The following BRI3BP variants were observed in gnomAD, a reference collection of about 807,000 sequenced individuals.
BRI3BP encodes the protein BRI3 binding protein, also known as BRI3-binding protein.
Under a neutral mutation model 15.8 loss-of-function variants are expected in BRI3BP, and 7 were observed. The observed-to-expected ratio is 0.44, with a 90% CI of 0.25 to 0.83. BRI3BP has a LOEUF of 0.83. Among genes scored for constraint, BRI3BP ranks in the 40% least tolerant of loss-of-function variants. BRI3BP has a pLI of 0.20. For missense variants in BRI3BP, 320 were observed against 339.3 expected, an observed-to-expected ratio of 0.94 and a Z score of 0.45; for synonymous variants, 192 against 163.5, an observed-to-expected ratio of 1.17 and a Z score of -1.33.
chr12:125,009,393 A>G (rs1357638296), intron 1 of BRI3BP, among the ~76,000 whole-genome samples: 11 of 143,044 alleles, frequency 7.7e-5, no homozygotes, highest in Admixed American at 6.6e-4. Context: ...AGGTTCAAGC[A>G]ATTCTCCTGC....
chr12:125,014,802 T>G (rs1955228865), intron 2 of BRI3BP, among the ~76,000 whole-genome samples: 4 of 149,760 alleles, frequency 2.7e-5, no homozygotes, highest in Admixed American at 2.6e-4. Context: ...AGGATCTCAC[T>G]CTGTTGCCCA....
chr12:125,004,449 C>T (rs1411362900), intron 1 of BRI3BP, among the ~76,000 whole-genome samples: 3 of 152,108 alleles, frequency 2.0e-5, no homozygotes, highest in East Asian at 1.9e-4. Flanking sequence ...GGATTACAGG[C>T]GTTAGCCACC....
At chr12:125,032,604 C>T (rs116626723), downstream of BRI3BP, among the ~76,000 whole-genome samples, 183 of 152,232 alleles carry the variant, frequency 1.2e-3, no homozygotes, top group African/African-American at 4.1e-3. Context: ...CTTGCCTCTA[C>T]GAAAAGTAAA....
intron 2 of BRI3BP, among the ~76,000 whole-genome samples, chr12:125,016,127 A>G (rs1427288181): frequency 1.3e-5 from 2 of 152,202 alleles, no homozygotes; most frequent in African/African-American, 4.8e-5. Flanking sequence ...TGCATTCATC[A>G]GGGGAGCAGC....
chr12:125,034,797 C>T (rs1955431511), downstream of BRI3BP, among the ~76,000 whole-genome samples: 1 of 152,070 alleles, frequency 6.6e-6, no homozygotes, highest in Non-Finnish European at 1.5e-5. Context: ...ACCATATTGG[C>T]CAGACTAGTC....
At chr12:125,048,625 C>T in the BRI3BP span, among the ~76,000 whole-genome samples, 2 of 151,688 alleles carry the variant, frequency 1.3e-5, no homozygotes, top group Admixed American at 1.3e-4. Flanking sequence ...GGGTGCAGCA[C>T]ACCAGCATGG....
chr12:125,009,617 G>C (rs1487778904), intron 1 of BRI3BP, among the ~76,000 whole-genome samples: 2 of 1,904 alleles, frequency 1.1e-3, no homozygotes, highest in Admixed American at 0.021. Flanking sequence ...GTAAATTAGA[G>C]ATGGGGGGGG....
intron 2 of BRI3BP, among the ~76,000 whole-genome samples, chr12:125,020,666 C>A (rs577466916): frequency 3.3e-4 from 51 of 152,296 alleles, no homozygotes; most frequent in African/African-American, 1.2e-3. Context: ...AGATGGATTG[C>A]TTAAGCCCAG....
At chr12:125,020,816 G>A (rs897737157) in intron 2 of BRI3BP, among the ~76,000 whole-genome samples, 38 of 152,132 alleles carry the variant, frequency 2.5e-4, no homozygotes, top group African/African-American at 8.9e-4. Flanking sequence ...GGAGGTAGAG[G>A]TTGCAATGAG....
chr12:124,997,317 G>A (rs1955050479), intron 1 of BRI3BP, among the ~76,000 whole-genome samples: 1 of 137,554 alleles, frequency 7.3e-6, no homozygotes, highest in South Asian at 2.5e-4. Context: ...CCGGATTCAC[G>A]AAATTCTCCT....
chr12:125,024,942 A>C, intron 2 of BRI3BP, 49 bp from the exon 3 acceptor site: 1 of 1,497,258 alleles, frequency 6.7e-7, no homozygotes, highest in South Asian at 1.2e-5. Context: ...TTGTTAAGAA[A>C]CCCCTGGCCC....
intron 1 of BRI3BP, among the ~76,000 whole-genome samples, chr12:125,007,736 G>A (rs1955157702): frequency 6.6e-6 from 1 of 151,518 alleles, no homozygotes; most frequent in African/African-American, 2.4e-5. Flanking sequence ...AAAAAAAAGA[G>A]CGTACATTCT....
intron 2 of BRI3BP, among the ~76,000 whole-genome samples, chr12:125,015,937 C>T (rs955790826): frequency 4.9e-5 from 7 of 143,136 alleles, no homozygotes; most frequent in African/African-American, 1.2e-4. Context: ...ACCACCTGCC[C>T]GGATTGTCAA....
intron 1 of BRI3BP, among the ~76,000 whole-genome samples, chr12:125,008,899 C>T (rs1270135896): frequency 6.6e-6 from 1 of 152,040 alleles, no homozygotes; most frequent in East Asian, 1.9e-4. Context: ...GGCAGATCAT[C>T]AGGCATTAGG....
chr12:125,020,691 C>A (rs1192084838), intron 2 of BRI3BP, among the ~76,000 whole-genome samples: 1 of 152,090 alleles, frequency 6.6e-6, no homozygotes, highest in East Asian at 1.9e-4. Context: ...TTGAGACCAT[C>A]CTTGGCAACA....
intron 1 of BRI3BP, among the ~76,000 whole-genome samples, chr12:125,000,406 C>T (rs1018051818): frequency 3.3e-5 from 5 of 150,506 alleles, no homozygotes; most frequent in African/African-American, 1.2e-4. Flanking sequence ...CTCTGCCTCC[C>T]GGGTTCACAC....
the BRI3BP span, among the ~76,000 whole-genome samples, chr12:125,051,005 CACTTA>C: frequency 6.6e-6 from 1 of 152,182 alleles, no homozygotes; most frequent in Admixed American, 6.5e-5. Context: ...GAGAACTTCA[CACTTA>C]CATAAGAGGA....
the BRI3BP span, among the ~76,000 whole-genome samples, chr12:125,039,801 A>G: frequency 6.6e-6 from 1 of 152,152 alleles, no homozygotes; most frequent in African/African-American, 2.4e-5. Context: ...AATACTATTA[A>G]TAACAGGTTA....
chr12:125,007,054 C>G (rs568755300), intron 1 of BRI3BP, among the ~76,000 whole-genome samples: 101 of 152,086 alleles, frequency 6.6e-4, no homozygotes, highest in African/African-American at 2.1e-3. Context: ...TAAAAATTAG[C>G]CAGGTATGGT....
Sources: gnomAD v4.1 joint callset for allele counts (sites outside exome capture counted in the v4.1 genomes callset) on GRCh38, gnomAD v4.1.1 for gene constraint, MANE v1.5 for transcripts, NCBI Gene and HGNC (gene_info 2026-07-23, HGNC 2026-07-21) for gene names.